The following XIRP2 variants were observed in gnomAD, a reference collection of about 807,000 sequenced individuals.
XIRP2 encodes the protein xin actin-binding repeat-containing protein 2.
A neutral mutation model predicts 277.0 loss-of-function variants in XIRP2; 236 were observed. That is an observed-to-expected ratio of 0.85 (90% CI 0.77 to 0.95). The LOEUF (loss-of-function observed/expected upper bound fraction) is 0.95. Among genes scored for constraint, XIRP2 ranks in the 40% least tolerant of loss-of-function variants. The pLI is 0.00. For synonymous variants in XIRP2, 1,490 were observed against 1,416.5 expected (o/e 1.05, Z -1.17); for missense variants, 4,640 against 4,157.5 (o/e 1.12, Z -3.19).
At chr2:167,095,675 T>C (rs1690290131) in intron 2 of XIRP2, among the ~76,000 whole-genome samples, 1 of 152,010 alleles carries the variant, frequency 6.6e-6, no homozygotes, top group Non-Finnish European at 1.5e-5. Flanking sequence ...AACTTAATCA[T>C]GGTGGATAAG....
chr2:167,209,140 A>G (rs937933909), intron 3 of XIRP2, among the ~76,000 whole-genome samples: 1 of 152,218 alleles, frequency 6.6e-6, no homozygotes, highest in African/African-American at 2.4e-5. Flanking sequence ...CAGCATTCAT[A>G]TAATACCATG....
chr2:167,129,407 G>C (rs1026576434), intron 2 of XIRP2, among the ~76,000 whole-genome samples: 1 of 152,180 alleles, frequency 6.6e-6, no homozygotes, highest in East Asian at 1.9e-4. Context: ...AGGGCAACCT[G>C]CTTTCTTTTC....
At chr2:167,030,187 G>A (rs1018409020) in intron 2 of XIRP2, among the ~76,000 whole-genome samples, 2 of 151,806 alleles carry the variant, frequency 1.3e-5, no homozygotes, top group Non-Finnish European at 2.9e-5. Context: ...TGATTTTTTT[G>A]AAGGATTTTT....
At chr2:167,128,429 T>C (rs1423436293) in intron 2 of XIRP2, among the ~76,000 whole-genome samples, 2 of 152,078 alleles carry the variant, frequency 1.3e-5, no homozygotes, top group Non-Finnish European at 2.9e-5. Flanking sequence ...CAACAAACCA[T>C]GCACGGGAAA....
chr2:167,210,267 T>C (rs921775823), intron 3 of XIRP2, among the ~76,000 whole-genome samples: 1 of 152,198 alleles, frequency 6.6e-6, no homozygotes, highest in African/African-American at 2.4e-5. Flanking sequence ...TGTCAAACCA[T>C]ATTCAAATCT....
At chr2:167,105,986 T>G (rs1043655830) in intron 2 of XIRP2, among the ~76,000 whole-genome samples, 1 of 151,548 alleles carries the variant, frequency 6.6e-6, no homozygotes, top group African/African-American at 2.4e-5. Context: ...TTTTGCCCAC[T>G]TTCTGCTTGG....
At chr2:167,134,758 A>C (rs1691492784) in intron 2 of XIRP2, among the ~76,000 whole-genome samples, 1 of 152,112 alleles carries the variant, frequency 6.6e-6, no homozygotes, top group Admixed American at 6.5e-5. Flanking sequence ...AATAAAATAG[A>C]CTAACTAAAA....
At chr2:167,221,658 G>A (rs1332037104) in intron 5 of XIRP2, among the ~76,000 whole-genome samples, 2 of 151,994 alleles carry the variant, frequency 1.3e-5, no homozygotes, top group African/African-American at 4.8e-5. Flanking sequence ...TCTTTTATCA[G>A]CAGGGATTTT....
At chr2:167,173,030 G>T (rs917881703) in intron 3 of XIRP2, among the ~76,000 whole-genome samples, 1 of 152,286 alleles carries the variant, frequency 6.6e-6, no homozygotes, top group South Asian at 2.1e-4. Flanking sequence ...CACAATTTAT[G>T]TTCTTCTGAC....
At chr2:167,207,660 G>T (rs1208021343) in intron 3 of XIRP2, among the ~76,000 whole-genome samples, 1 of 152,068 alleles carries the variant, frequency 6.6e-6, no homozygotes, top group Non-Finnish European at 1.5e-5. Flanking sequence ...CAGAAGAAAA[G>T]CATATATGTT....
intron 2 of XIRP2, among the ~76,000 whole-genome samples, chr2:167,002,762 A>T (rs1687405660): frequency 6.6e-6 from 1 of 151,982 alleles, no homozygotes; most frequent in African/African-American, 2.4e-5. Flanking sequence ...AGTAATTTTC[A>T]ATGAATATTT....
chr2:167,079,906 T>A (rs1253613950), intron 2 of XIRP2, among the ~76,000 whole-genome samples: 1 of 152,104 alleles, frequency 6.6e-6, no homozygotes, highest in Non-Finnish European at 1.5e-5. Flanking sequence ...TTTTTTGGTT[T>A]TCATTTTTGT....
rs1559037609 is a variant in XIRP2, at chr2:167,243,207, T to C, written c.1815T>C (p.Asp605=). 1 of 1,614,126 alleles carries C rather than the reference T, an allele frequency of 6.2e-7. No homozygotes were observed. The highest frequency in any genetic ancestry group is 8.5e-7 in the Non-Finnish European group (1 of 1,179,994). ...DEGDISRGIA[D]QEIIAGGDVK... Reference sequence around the variant, plus strand: ...GTGATATTTCCAGGGGCATTGCTGATCAAGAAATCATTGCTGGTGGTGATG... The same window carrying C: ...GTGATATTTCCAGGGGCATTGCTGACCAAGAAATCATTGCTGGTGGTGATG... Residue 605 remains aspartate, a synonymous_variant, in exon 9 of 11, where the codon GAT becomes GAC. Coordinates refer to ENST00000409195, the MANE Select transcript of XIRP2 (RefSeq NM_152381.6).
rs765801846 is a variant in XIRP2, at chr2:167,246,858, C to A, written c.5466C>A (p.Thr1822=). The change falls in exon 9 of 11, where the codon ACC becomes ACA. Residue 1822 remains threonine, a synonymous_variant. Coordinates refer to ENST00000409195, the MANE Select transcript of XIRP2 (RefSeq NM_152381.6). Reference sequence around the variant, plus strand: ...ATAACACAGTTAAGGTTTTTATGACCGAGCCTCAGAGTACATTTGGTAAGA... The same window carrying A: ...ATAACACAGTTAAGGTTTTTATGACAGAGCCTCAGAGTACATTTGGTAAGA... ...DVHNTVKVFM[T]EPQSTFGKIP... The A allele has an allele frequency of 1.2e-6, 2 of 1,613,658 alleles. No individual in the cohort carries two copies. The highest frequency in any genetic ancestry group is 1.7e-5 in the Admixed American group (1 of 59,998).
In XIRP2 at chr2:166,980,560, G is replaced by A. The variant is rs541317828; in HGVS notation, c.408+76670G>A. ...GCCTCCCGAGTAGCTGGAATTACAGGCACCCGCCACCACGTCTGGCTAATT... is the reference window on the plus strand; with the variant it reads ...GCCTCCCGAGTAGCTGGAATTACAGACACCCGCCACCACGTCTGGCTAATT... On this transcript the variant is annotated intron_variant, in intron 2 of 10. Transcript: ENST00000409195. Among the ~76,000 whole-genome samples, 4 of 152,172 alleles carry A rather than the reference G, an allele frequency of 2.6e-5. No homozygotes were observed. The East Asian group carries it at 7.7e-4, about 29-fold the overall frequency.
At chr2:167,231,967 C>T (rs183895691) in intron 5 of XIRP2, among the ~76,000 whole-genome samples, 1 of 152,090 alleles carries the variant, frequency 6.6e-6, no homozygotes, top group East Asian at 1.9e-4. Context: ...TTACTGGATA[C>T]AAATCCTCCT....
chr2:167,142,817 C>A (rs1691758973), intron 3 of XIRP2, among the ~76,000 whole-genome samples: 1 of 151,964 alleles, frequency 6.6e-6, no homozygotes, highest in Non-Finnish European at 1.5e-5. Flanking sequence ...GTGATACAAT[C>A]CTAGCAAGAC....
At chr2:166,941,091 A>C (rs1574099485) in intron 2 of XIRP2, among the ~76,000 whole-genome samples, 1 of 152,076 alleles carries the variant, frequency 6.6e-6, no homozygotes, top group South Asian at 2.1e-4. Context: ...GGTGGGCTCC[A>C]CTCAGTTCGA....
Position 167,249,426 on chromosome 2 carries a change from T to A in XIRP2, c.8034T>A (p.Ser2678Arg). Residue 2678 changes from serine (S) to arginine (R), a missense_variant, in exon 9 of 11, where the codon AGT (serine) becomes AGA (arginine). By Grantham distance (110) the Ser-to-Arg change is moderately radical. Transcript: ENST00000409195. ...QSKSACEIKQ[S>R]HQECSTQQTQ... is the part of the protein sequence containing the mutation. ...AATCAGCTTGCGAAATTAAACAAAG[T>A]CACCAAGAATGTAGTACCCAACAAA... 1.9e-6 allele frequency: 3 copies of A among 1,613,756 alleles called. No individual in the cohort carries two copies. Among genetic ancestry groups the A allele is most frequent in the Non-Finnish European group, 2.5e-6 (3 of 1,179,832 alleles).
Sources: allele counts gnomAD v4.1 joint callset (sites outside exome capture counted in the v4.1 genomes callset), GRCh38; gene constraint gnomAD v4.1.1; transcripts MANE v1.5; gene names NCBI Gene and HGNC (gene_info 2026-07-23, HGNC 2026-07-21).